The following THRB variants were observed in gnomAD, a reference collection of about 807,000 sequenced individuals.
The protein encoded by THRB is thyroid hormone receptor beta.
In THRB, 12 loss-of-function variants were observed where a neutral mutation model predicts 47.8. That is an observed-to-expected ratio of 0.25 (90% CI 0.16 to 0.41). The LOEUF (loss-of-function observed/expected upper bound fraction) is 0.41, where lower values mean the gene tolerates loss of function less well. THRB is among the 10% of genes least tolerant of loss of function. THRB has a pLI of 1.00. For synonymous variants in THRB, 218 were observed against 212.2 expected (o/e 1.03, Z -0.24); for missense variants, 348 against 589.2 (o/e 0.59, Z 4.24).
chr3:24,385,482 G>A lies in THRB; in HGVS notation c.-260-48111C>T, dbSNP rs527580892. Among the ~76,000 whole-genome samples the A allele has an allele frequency of 3.9e-5, 6 of 152,110 alleles. No homozygotes were observed. The East Asian group carries it at 1.2e-3, about 29-fold the overall frequency. The stretch of plus-strand genomic sequence containing the variant: ...CTGAAGGAGCAAGGAGCAGCTGGAT[G>A]TGTTGTCACACTCTCTAAGTGTTGG... On this transcript the variant is annotated intron_variant, in intron 1 of 10. Transcript: ENST00000646209.
intron 2 of THRB, among the ~76,000 whole-genome samples, chr3:24,316,240 C>A (rs905924228): frequency 6.6e-6 from 1 of 152,126 alleles, no homozygotes; most frequent in African/African-American, 2.4e-5. Flanking sequence ...TGGTCAACCA[C>A]CAAAACAAAA....
intron 1 of THRB, among the ~76,000 whole-genome samples, chr3:24,459,621 A>G (rs187848831): frequency 6.6e-6 from 1 of 152,250 alleles, no homozygotes; most frequent in African/African-American, 2.4e-5. Flanking sequence ...CCTCTCTAGC[A>G]TCTGTTGTTT....
At chr3:24,188,141 C>G (rs991540005) in intron 5 of THRB, among the ~76,000 whole-genome samples, 1 of 152,172 alleles carries the variant, frequency 6.6e-6, no homozygotes, top group Non-Finnish European at 1.5e-5. Context: ...AGCCTCATGT[C>G]CTACCCCACA....
At chr3:24,273,803 C>A (rs2053605955) in intron 3 of THRB, among the ~76,000 whole-genome samples, 1 of 152,050 alleles carries the variant, frequency 6.6e-6, no homozygotes, top group South Asian at 2.1e-4. Flanking sequence ...CCCCCCACCC[C>A]TCAAAAACCC....
At chr3:24,262,826 C>A (rs1394426266) in intron 3 of THRB, among the ~76,000 whole-genome samples, 1 of 152,150 alleles carries the variant, frequency 6.6e-6, no homozygotes, top group African/African-American at 2.4e-5. Flanking sequence ...AGACGGTAAA[C>A]ACCATGAGGA....
intron 1 of THRB, among the ~76,000 whole-genome samples, chr3:24,382,462 T>C (rs2149859865): frequency 6.6e-6 from 1 of 152,234 alleles, no homozygotes; most frequent in Admixed American, 6.5e-5. Context: ...TTAACAACTA[T>C]GTTAAAGTTA....
intron 4 of THRB, among the ~76,000 whole-genome samples, chr3:24,223,399 G>A (rs2047352793): frequency 6.6e-6 from 1 of 152,142 alleles, no homozygotes; most frequent in Non-Finnish European, 1.5e-5. Flanking sequence ...CTCATCAGAA[G>A]ATATTACTAA....
intron 2 of THRB, among the ~76,000 whole-genome samples, chr3:24,307,012 G>A (rs2057391425): frequency 2.0e-5 from 3 of 151,772 alleles, no homozygotes; most frequent in African/African-American, 7.3e-5. Context: ...ATAAAAAAAT[G>A]AATCATATGA....
chr3:24,464,744 T>G (rs2073995670), intron 1 of THRB, among the ~76,000 whole-genome samples: 2 of 152,214 alleles, frequency 1.3e-5, no homozygotes, highest in South Asian at 4.1e-4. Flanking sequence ...GAATTTATTC[T>G]CCTCTACAGG....
At chr3:24,204,247 A>AC (rs1164757438) in intron 4 of THRB, among the ~76,000 whole-genome samples, 1 of 152,066 alleles carries the variant, frequency 6.6e-6, no homozygotes, top group African/African-American at 2.4e-5. Flanking sequence ...ACTGCGAGGC[A>AC]CCCCCCAGTA....
chr3:24,347,115 G>A (rs1039056923), intron 1 of THRB, among the ~76,000 whole-genome samples: 4 of 151,856 alleles, frequency 2.6e-5, no homozygotes, highest in African/African-American at 9.7e-5. Flanking sequence ...ACAAATATTT[G>A]GAAATTAAGC....
At chr3:24,241,677 G>A (rs750955794) in intron 3 of THRB, among the ~76,000 whole-genome samples, 1 of 152,124 alleles carries the variant, frequency 6.6e-6, no homozygotes. Context: ...CCTTTCTAGT[G>A]GACTTCTGTA....
chr3:24,459,012 GT>G (rs1017829760), intron 1 of THRB: 1 of 151,810 alleles, frequency 6.6e-6, no homozygotes, highest in Non-Finnish European at 1.5e-5. Context: ...AGAACGTGCA[GT>G]TTTGTTACAT....
intron 1 of THRB, among the ~76,000 whole-genome samples, chr3:24,415,250 C>G (rs1302010218): frequency 1.3e-5 from 2 of 151,850 alleles, no homozygotes; most frequent in East Asian, 3.9e-4. Context: ...ACTCAGGGAA[C>G]AGGCATAGGA....
chr3:24,446,038 T>C (rs1297435394), intron 1 of THRB, among the ~76,000 whole-genome samples: 3 of 152,176 alleles, frequency 2.0e-5, no homozygotes, highest in Non-Finnish European at 4.4e-5. Flanking sequence ...GAAGAAAATA[T>C]GCCAAAATGT....
At chr3:24,331,315 G>A (rs746325444) in intron 2 of THRB, among the ~76,000 whole-genome samples, 2 of 152,092 alleles carry the variant, frequency 1.3e-5, no homozygotes, top group Non-Finnish European at 2.9e-5. Flanking sequence ...CAGGGAAGGA[G>A]GGAATAAGAA....
intron 1 of THRB, among the ~76,000 whole-genome samples, chr3:24,341,188 G>A (rs5020481): frequency 4.6e-5 from 6 of 130,104 alleles, no homozygotes; most frequent in Non-Finnish European, 6.4e-5. Flanking sequence ...CTTTCCTTTC[G>A]TTTCCTTTCC....
At chr3:24,436,545 T>C (rs902446539) in intron 1 of THRB, among the ~76,000 whole-genome samples, 2 of 152,130 alleles carry the variant, frequency 1.3e-5, no homozygotes, top group Non-Finnish European at 2.9e-5. Context: ...CTTGAGTAAA[T>C]GGGAAGTTTA....
intron 1 of THRB, among the ~76,000 whole-genome samples, chr3:24,394,829 C>T (rs969470086): frequency 6.6e-6 from 1 of 152,032 alleles, no homozygotes. Context: ...TCCTAAGTGT[C>T]CCCCTGCAAG....
Sources: gnomAD v4.1 joint callset for allele counts (sites outside exome capture counted in the v4.1 genomes callset) on GRCh38, gnomAD v4.1.1 for gene constraint, MANE v1.5 for transcripts, NCBI Gene and HGNC (gene_info 2026-07-23, HGNC 2026-07-21) for gene names.